SNX25: variants seen among roughly 807,000 people sequenced by gnomAD.
SNX25 encodes the protein sorting nexin-25.
SNX25 carries 62 observed loss-of-function variants against 113.7 expected under a neutral mutation model. The ratio of observed to expected loss-of-function variants is 0.55; its 90% CI spans 0.44 to 0.67. SNX25 has a LOEUF of 0.67. SNX25 is among the 30% of genes least tolerant of loss of function. The pLI, the probability that SNX25 is intolerant of heterozygous loss-of-function variation, is 0.00. For synonymous variants in SNX25, 421 were observed against 436.2 expected, an observed-to-expected ratio of 0.97 and a Z score of 0.43; for missense variants, 1,014 against 1,161.0, an observed-to-expected ratio of 0.87 and a Z score of 1.84.
intron 12 of SNX25, among the ~76,000 whole-genome samples, chr4:185,344,987 TTTCTC>T (rs1022818583): frequency 6.6e-6 from 1 of 152,204 alleles, no homozygotes; most frequent in Admixed American, 6.5e-5. Flanking sequence ...AATGTGTTGT[TTTCTC>T]TGTGGAAAAA....
the SNX25 span, chr4:185,378,267 G>A: frequency 3.2e-6 from 5 of 1,587,038 alleles, no homozygotes; most frequent in South Asian, 4.6e-5. Context: ...AGTGCAAAGA[G>A]AGACTCTATT....
At position 185,279,319 on chromosome 4, in the gene SNX25, C is replaced by T. The variant is rs560034809; in HGVS notation, c.1092-8693C>T. ...ATGGTTTCCTCAACCCTTGGGGTGG[C>T]CTTGTGATGGCTGGTTACCTCAGTG... On this transcript the variant is annotated intron_variant, in intron 5 of 18. Coordinates refer to ENST00000652585, the MANE Select transcript of SNX25 (RefSeq NM_001378034.2). Among the ~76,000 whole-genome samples the T allele has an allele frequency of 2.6e-5, 4 of 152,090 alleles. No homozygotes were observed. The South Asian group carries it at 8.3e-4, about 32-fold the overall frequency.
intron 6 of SNX25, among the ~76,000 whole-genome samples, chr4:185,301,567 C>G (rs879773371): frequency 9.9e-5 from 15 of 151,240 alleles, no homozygotes; most frequent in South Asian, 8.4e-4. Flanking sequence ...CATCTGTATC[C>G]TAGTCAGACT....
intron 9 of SNX25, among the ~76,000 whole-genome samples, chr4:185,328,265 A>G (rs924809852): frequency 2.8e-4 from 42 of 152,316 alleles, no homozygotes; most frequent in African/African-American, 1.0e-3. Flanking sequence ...ATAAACAAGT[A>G]TAGCTGGAAG....
chr4:185,246,084 G>C (rs13102061), intron 1 of SNX25, among the ~76,000 whole-genome samples: 5 of 151,910 alleles, frequency 3.3e-5, no homozygotes, highest in Admixed American at 2.0e-4. Flanking sequence ...TCAGGAGTTC[G>C]AGACCAGCCT....
chr4:185,259,121 A>G, intron 3 of SNX25, 57 bp downstream of exon 3: 4 of 1,463,754 alleles, frequency 2.7e-6, no homozygotes, highest in Non-Finnish European at 3.8e-6. Flanking sequence ...TAATTGAGTA[A>G]AAGGTCAAAG....
At chr4:185,250,318 G>A (rs899128548) in intron 2 of SNX25, among the ~76,000 whole-genome samples, 16 of 152,330 alleles carry the variant, frequency 1.1e-4, no homozygotes, top group African/African-American at 3.6e-4. Context: ...ACAGTAGTTG[G>A]AGTATCTGCT....
At chr4:185,326,865 C>T (rs949932604) in intron 9 of SNX25, among the ~76,000 whole-genome samples, 1 of 152,118 alleles carries the variant, frequency 6.6e-6, no homozygotes, top group Non-Finnish European at 1.5e-5. Context: ...TGTTAAAGAG[C>T]AGGTTAGTGC....
chr4:185,372,822 G>A (rs1320660174), downstream of SNX25: 4 of 1,519,754 alleles, frequency 2.6e-6, no homozygotes, highest in Non-Finnish European at 3.6e-6. Context: ...GTGATATTCT[G>A]TTACAGCAGC....
chr4:185,341,015 G>A (rs2095257174), intron 11 of SNX25, among the ~76,000 whole-genome samples: 1 of 152,186 alleles, frequency 6.6e-6, no homozygotes, highest in Non-Finnish European at 1.5e-5. Flanking sequence ...TCCTTACAGT[G>A]GGGTGGTAAT....
intron 1 of SNX25, among the ~76,000 whole-genome samples, chr4:185,227,981 T>C (rs1741266332): frequency 6.6e-6 from 1 of 151,728 alleles, no homozygotes; most frequent in South Asian, 2.1e-4. Context: ...AGAGAGAAGC[T>C]CAGAGAGTAA....
At chr4:185,369,532 C>T (rs1395124745) in intron 11 of SNX25, among the ~76,000 whole-genome samples, 1 of 152,188 alleles carries the variant, frequency 6.6e-6, no homozygotes, top group Non-Finnish European at 1.5e-5. Context: ...GCATGAACCA[C>T]TGTGCCTGGC....
rs1424181721 is a variant in SNX25 at position 185,209,707 on chromosome 4, G to C, written c.-120G>C. On this transcript the variant is annotated 5_prime_UTR_variant, in exon 1 of 19. Coordinates refer to ENST00000652585, the MANE Select transcript of SNX25 (RefSeq NM_001378034.2). The surrounding 1 kb of genome is among the most constrained non-coding windows in gnomAD (Gnocchi z 5.2). ...GAGAGGGGCCCGGCGGCGTCTGCGG[G>C]GGCCGCTCCCTCGGTGGGCCGCGGG... The C allele has an allele frequency of 3.1e-6, 3 of 982,300 alleles. No homozygotes were observed. Among genetic ancestry groups the C allele is most frequent in the African/African-American group, 3.5e-5 (2 of 57,118 alleles). The allele number at this position is 982,300 out of a possible 1,614,324, so 60.8% of individuals were successfully genotyped here.
upstream of SNX25, among the ~76,000 whole-genome samples, chr4:185,206,513 G>T (rs1737191387): frequency 6.6e-6 from 1 of 151,822 alleles, no homozygotes; most frequent in South Asian, 2.1e-4. Flanking sequence ...CAAAAAATTA[G>T]CCAGGCATGC....
downstream of SNX25, chr4:185,370,660 CG>C (rs1440294497): frequency 5.6e-6 from 9 of 1,613,782 alleles, no homozygotes; most frequent in Middle Eastern, 1.6e-4. Flanking sequence ...TAGTGTTTAG[CG>C]GTTGTTTCAT....
chr4:185,378,215 C>G, the SNX25 span: 1 of 1,604,526 alleles, frequency 6.2e-7, no homozygotes, highest in Non-Finnish European at 8.5e-7. Context: ...ATTCTATAAG[C>G]AAGAAGAAAA....
chr4:185,225,864 G>A (rs975200508), intron 1 of SNX25, among the ~76,000 whole-genome samples: 3 of 151,708 alleles, frequency 2.0e-5, no homozygotes, highest in African/African-American at 7.3e-5. Context: ...TTAAACCCAC[G>A]TCTCTCTTAA....
chr4:185,302,647 G>A (rs975006356), intron 6 of SNX25, among the ~76,000 whole-genome samples: 1 of 152,244 alleles, frequency 6.6e-6, no homozygotes, highest in African/African-American at 2.4e-5. Flanking sequence ...ATGTGAGGAT[G>A]TGGTGCGGAG....
intron 6 of SNX25, among the ~76,000 whole-genome samples, chr4:185,305,630 G>A (rs972166889): frequency 1.8e-4 from 28 of 152,152 alleles, no homozygotes; most frequent in African/African-American, 6.5e-4. Context: ...ATAGCGAAAA[G>A]CATTTCTGTG....
Sources: gnomAD v4.1 joint callset for allele counts (sites outside exome capture counted in the v4.1 genomes callset) on GRCh38, gnomAD v4.1.1 for gene constraint, Gnocchi (gnomAD v3.1) non-coding constraint, MANE v1.5 for transcripts, NCBI Gene and HGNC (gene_info 2026-07-23, HGNC 2026-07-21) for gene names.